UNC5C: variants seen among roughly 807,000 people sequenced by gnomAD.
UNC5C encodes the protein netrin receptor UNC5C.
A neutral mutation model predicts 99.8 loss-of-function variants in UNC5C; 47 were observed. That is an observed-to-expected ratio of 0.47 (90% CI 0.37 to 0.60). The LOEUF (loss-of-function observed/expected upper bound fraction) is 0.60. UNC5C is among the 20% of genes least tolerant of loss of function. The pLI, the probability that UNC5C is intolerant of heterozygous loss-of-function variation, is 0.00. For missense variants in UNC5C, 1,062 were observed against 1,165.9 expected, an observed-to-expected ratio of 0.91 and a Z score of 1.30; for synonymous variants, 487 against 452.2, an observed-to-expected ratio of 1.08 and a Z score of -0.98.
chr4:95,389,981 G>A (rs1027575572), intron 1 of UNC5C, among the ~76,000 whole-genome samples: 2 of 152,054 alleles, frequency 1.3e-5, no homozygotes, highest in Admixed American at 6.6e-5. Flanking sequence ...ACAGCATTAC[G>A]CTAGAAAGTA....
chr4:95,349,800 A>AT (rs1468505748), intron 1 of UNC5C, among the ~76,000 whole-genome samples: 1 of 151,602 alleles, frequency 6.6e-6, no homozygotes, highest in Admixed American at 6.6e-5. Context: ...CCTTTATCTC[A>AT]TTTTTCTCTA....
chr4:95,206,234 C>T (rs1286049984), intron 11 of UNC5C, among the ~76,000 whole-genome samples: 1 of 151,894 alleles, frequency 6.6e-6, no homozygotes, highest in Non-Finnish European at 1.5e-5. Context: ...CTCCTGACCT[C>T]ATGATCCGCC....
chr4:95,187,666 T>G (rs148139980), intron 12 of UNC5C, among the ~76,000 whole-genome samples: 1 of 152,302 alleles, frequency 6.6e-6, no homozygotes, highest in East Asian at 1.9e-4. Context: ...AAAGTCATGG[T>G]GAAGAATTCT....
rs1010569982 is a variant in UNC5C at position 95,483,042 on chromosome 4, T to C, written c.124+65692A>G. On this transcript the variant is annotated intron_variant, in intron 1 of 15. Transcript: ENST00000453304. ...ATAATAATAATAATAATAATAATAA[T>C]AAAAACACATGCAGTAATAAAAAAA... is the stretch of plus-strand genomic sequence containing the variant. Among the ~76,000 whole-genome samples, 9 of 115,680 alleles carry C rather than the reference T, an allele frequency of 7.8e-5. 1 individual carries two copies. The highest frequency in any genetic ancestry group is 3.1e-4 in the African/African-American group (9 of 29,402). 75.9% of individuals were successfully genotyped at this position (115,680 alleles called of 152,430 possible). A position where few individuals can be genotyped will look rare whatever the true frequency, so the allele number is the denominator to read the frequency against.
intron 4 of UNC5C, 35 bp downstream of exon 4, chr4:95,278,224 C>G (rs762410871): frequency 6.5e-7 from 1 of 1,543,436 alleles, no homozygotes. Context: ...TAACTTAGTG[C>G]CAATTGCTAA....
chr4:95,454,099 T>C (rs183827518), intron 1 of UNC5C, among the ~76,000 whole-genome samples: 14 of 152,202 alleles, frequency 9.2e-5, no homozygotes, highest in Admixed American at 7.9e-4. Context: ...TTGCACAATA[T>C]TGTGAGTGCA....
chr4:95,200,560 A>G (rs1032230089), intron 12 of UNC5C, among the ~76,000 whole-genome samples: 17 of 152,260 alleles, frequency 1.1e-4, no homozygotes, highest in African/African-American at 4.1e-4. Context: ...CTTATAGATA[A>G]AATGAAGATT....
At chr4:95,342,103 G>A (rs1202324002) in intron 1 of UNC5C, among the ~76,000 whole-genome samples, 1 of 152,082 alleles carries the variant, frequency 6.6e-6, no homozygotes, top group African/African-American at 2.4e-5. Context: ...ACAATTCTTG[G>A]GCAAATAATG....
intron 1 of UNC5C, among the ~76,000 whole-genome samples, chr4:95,409,762 C>T (rs1034344809): frequency 6.6e-6 from 1 of 152,190 alleles, no homozygotes; most frequent in African/African-American, 2.4e-5. Context: ...CCTTTCTCCT[C>T]TTCATTGCAT....
At chr4:95,526,729 G>T (rs1421395080) in intron 1 of UNC5C, among the ~76,000 whole-genome samples, 4 of 151,608 alleles carry the variant, frequency 2.6e-5, no homozygotes, top group Non-Finnish European at 4.4e-5. Flanking sequence ...GGGCCTAAAT[G>T]GTCTTCTCAT....
chr4:95,427,565 C>A (rs1746519121), intron 1 of UNC5C, among the ~76,000 whole-genome samples: 1 of 152,158 alleles, frequency 6.6e-6, no homozygotes, highest in Non-Finnish European at 1.5e-5. Flanking sequence ...AGACCCTCAA[C>A]AAGCAAAAAT....
At chr4:95,515,562 C>T (rs1235368866) in intron 1 of UNC5C, among the ~76,000 whole-genome samples, 1 of 152,124 alleles carries the variant, frequency 6.6e-6, no homozygotes, top group Non-Finnish European at 1.5e-5. Flanking sequence ...TAATTGAAAG[C>T]ATGTAAAATT....
At position 95,218,984 on chromosome 4, in the gene UNC5C, T is replaced by C. The variant is rs1738357784; in HGVS notation, c.1630A>G (p.Ile544Val). 1 of 1,608,038 alleles carries C rather than the reference T, an allele frequency of 6.2e-7. No individual in the cohort carries two copies. Among genetic ancestry groups the C allele is most frequent in the South Asian group, 1.1e-5 (1 of 90,646 alleles). ...GSFNSLGGHL[I>V]VPNSGVSLLI... The stretch of plus-strand genomic sequence containing the variant: ...TAGGAATTACCTGAATTGGGAACAA[T>C]AAGGTGACCTCCCAGCGAGTTGAAG... The change falls in exon 9 of 16, where the codon ATT becomes GTT. Residue 544 changes from isoleucine to valine, a missense_variant. Coordinates refer to ENST00000453304, the MANE Select transcript of UNC5C (RefSeq NM_003728.4).
At chr4:95,195,179 C>T (rs1390642787) in intron 12 of UNC5C, among the ~76,000 whole-genome samples, 1 of 152,162 alleles carries the variant, frequency 6.6e-6, no homozygotes, top group Non-Finnish European at 1.5e-5. Context: ...ACTTTGATGT[C>T]CTTAGAACTT....
chr4:95,216,376 G>A (rs528220629), intron 9 of UNC5C, among the ~76,000 whole-genome samples, 165 bp from the exon 10 acceptor site: 4 of 152,146 alleles, frequency 2.6e-5, no homozygotes, highest in Non-Finnish European at 5.9e-5. Context: ...TCCTTACCAC[G>A]GCTCCCTCTG....
intron 1 of UNC5C, among the ~76,000 whole-genome samples, chr4:95,426,769 C>A (rs1021809384): frequency 6.6e-6 from 1 of 152,204 alleles, no homozygotes; most frequent in African/African-American, 2.4e-5. Context: ...GACCCTAACT[C>A]TCTCCAATTG....
chr4:95,341,055 A>G (rs1252647585), intron 1 of UNC5C, among the ~76,000 whole-genome samples: 1 of 152,126 alleles, frequency 6.6e-6, no homozygotes, highest in Non-Finnish European at 1.5e-5. Context: ...CTGGAGTGTA[A>G]ATGGGTATCA....
intron 1 of UNC5C, among the ~76,000 whole-genome samples, chr4:95,460,547 A>G (rs558266482): frequency 6.6e-6 from 1 of 152,250 alleles, no homozygotes; most frequent in Admixed American, 6.5e-5. Context: ...CGGTTTTATC[A>G]GGGGAAACCC....
At chr4:95,335,999 C>T (rs183895575) in intron 1 of UNC5C, among the ~76,000 whole-genome samples, 9 of 151,952 alleles carry the variant, frequency 5.9e-5, no homozygotes, top group Non-Finnish European at 1.3e-4. Flanking sequence ...AAAGCAAGAG[C>T]AACTTCATTA....
Sources: gnomAD v4.1 joint callset for allele counts (sites outside exome capture counted in the v4.1 genomes callset) on GRCh38, gnomAD v4.1.1 for gene constraint, MANE v1.5 for transcripts, NCBI Gene and HGNC (gene_info 2026-07-23, HGNC 2026-07-21) for gene names.